The following ADAM22 variants were observed in gnomAD, a reference collection of about 807,000 sequenced individuals.
The protein encoded by ADAM22 is ADAM metallopeptidase domain 22.
In ADAM22, 65 loss-of-function variants were observed where a neutral mutation model predicts 144.6. That is an observed-to-expected ratio of 0.45 (90% CI 0.37 to 0.55). The LOEUF is 0.55. ADAM22 is among the 20% of genes least tolerant of loss of function. The pLI, the probability that ADAM22 is intolerant of heterozygous loss-of-function variation, is 0.00. For synonymous variants in ADAM22, 391 were observed against 412.6 expected (o/e 0.95, Z 0.63); for missense variants, 974 against 1,184.9 (o/e 0.82, Z 2.61).
chr7:87,948,478 C>A (rs572583608), intron 2 of ADAM22, among the ~76,000 whole-genome samples: 3 of 152,214 alleles, frequency 2.0e-5, no homozygotes, highest in South Asian at 4.1e-4. Flanking sequence ...CCCTTTATTG[C>A]TGGAATAATC....
chr7:88,033,298 A>G (rs766393506), intron 3 of ADAM22, among the ~76,000 whole-genome samples: 4 of 152,224 alleles, frequency 2.6e-5, no homozygotes, highest in Non-Finnish European at 4.4e-5. Flanking sequence ...GCAGACTTGT[A>G]GAGGTGTAAG....
At chr7:88,093,109 T>C (rs1198484583) in intron 4 of ADAM22, among the ~76,000 whole-genome samples, 3 of 152,204 alleles carry the variant, frequency 2.0e-5, no homozygotes, top group African/African-American at 7.2e-5. Flanking sequence ...AATTAGCTAT[T>C]TTATAATAGA....
intron 13 of ADAM22, 51 bp downstream of exon 13, chr7:88,134,470 G>A: frequency 7.1e-7 from 1 of 1,400,694 alleles, no homozygotes; most frequent in Non-Finnish European, 9.8e-7. Context: ...GACTATTTGT[G>A]AAATATTTTG....
chr7:88,044,559 G>T (rs1804037631), intron 3 of ADAM22, among the ~76,000 whole-genome samples: 1 of 151,834 alleles, frequency 6.6e-6, no homozygotes, highest in Non-Finnish European at 1.5e-5. Context: ...CAATTCTCCT[G>T]CCTCAGCCTC....
chr7:88,118,058 C>T (rs181772555), intron 7 of ADAM22, among the ~76,000 whole-genome samples: 284 of 152,128 alleles, frequency 1.9e-3, no homozygotes, highest in African/African-American at 6.7e-3. Flanking sequence ...ATGTTATTCC[C>T]GGTTTGTAGA....
chr7:88,053,667 A>G (rs570813938), intron 3 of ADAM22, among the ~76,000 whole-genome samples: 1 of 152,216 alleles, frequency 6.6e-6, no homozygotes, highest in South Asian at 2.1e-4. Flanking sequence ...TAAAAAAGAT[A>G]TCTTCACTTA....
chr7:88,045,562 ACCATTT>A (rs1429159765), intron 3 of ADAM22, among the ~76,000 whole-genome samples: 1 of 152,072 alleles, frequency 6.6e-6, no homozygotes, highest in African/African-American at 2.4e-5. Flanking sequence ...AGAACATTTC[ACCATTT>A]CCAAGTATAT....
chr7:88,151,705 C>T (rs773569208), intron 20 of ADAM22, among the ~76,000 whole-genome samples: 19 of 152,176 alleles, frequency 1.2e-4, no homozygotes, highest in Middle Eastern at 3.2e-3. Context: ...CTGGACAGGA[C>T]GTCCTTAACT....
intron 22 of ADAM22, among the ~76,000 whole-genome samples, chr7:88,160,357 G>A (rs955090667): frequency 1.3e-5 from 2 of 152,096 alleles, no homozygotes; most frequent in African/African-American, 4.8e-5. Context: ...AAATGCTATT[G>A]CTATCAAACT....
intron 3 of ADAM22, among the ~76,000 whole-genome samples, chr7:88,038,121 G>A (rs1801957810): frequency 6.6e-6 from 1 of 152,164 alleles, no homozygotes; most frequent in African/African-American, 2.4e-5. Context: ...CTCAGTTCCT[G>A]ACAAGTGTGA....
At chr7:88,130,777 G>A (rs548507751) in intron 10 of ADAM22, among the ~76,000 whole-genome samples, 1 of 152,242 alleles carries the variant, frequency 6.6e-6, no homozygotes, top group Middle Eastern at 3.4e-3. Flanking sequence ...TACAATAGTT[G>A]TGCCTTTAAG....
At chr7:88,006,911 G>T (rs1161510901) in intron 3 of ADAM22, among the ~76,000 whole-genome samples, 1 of 150,306 alleles carries the variant, frequency 6.7e-6, no homozygotes, top group Non-Finnish European at 1.5e-5. Context: ...GGGCAATTAG[G>T]CAGGAGAAGG....
chr7:88,014,289 A>C (rs78511153), intron 3 of ADAM22, among the ~76,000 whole-genome samples: 47 of 152,330 alleles, frequency 3.1e-4, no homozygotes, highest in Non-Finnish European at 5.3e-4. Flanking sequence ...CTGATTCTGC[A>C]TAGGCGTGAC....
chr7:87,982,048 T>C (rs1471610463), intron 3 of ADAM22, among the ~76,000 whole-genome samples: 2 of 23,900 alleles, frequency 8.4e-5, no homozygotes, highest in East Asian at 1.3e-3. Flanking sequence ...TTATTTCATA[T>C]ATATATATAT....
intron 8 of ADAM22, 70 bp downstream of exon 8, chr7:88,125,729 G>A (rs911589940): frequency 9.7e-5 from 124 of 1,273,378 alleles, no homozygotes; most frequent in African/African-American, 1.5e-5. Flanking sequence ...TGAATCTACA[G>A]TAAGTCTGTG....
intron 3 of ADAM22, among the ~76,000 whole-genome samples, chr7:88,064,913 A>G (rs943313816): frequency 6.6e-6 from 1 of 152,170 alleles, no homozygotes; most frequent in African/African-American, 2.4e-5. Context: ...AGATCAGTAG[A>G]AATAGTACTA....
chr7:88,091,348 G>C (rs574674177), intron 4 of ADAM22, among the ~76,000 whole-genome samples: 2 of 152,176 alleles, frequency 1.3e-5, no homozygotes, highest in South Asian at 4.2e-4. Context: ...TTACATCATT[G>C]TCAAAGTCTT....
chr7:88,176,276 A>G (rs1404500788), intron 26 of ADAM22, among the ~76,000 whole-genome samples: 1 of 152,190 alleles, frequency 6.6e-6, no homozygotes, highest in African/African-American at 2.4e-5. Flanking sequence ...TTCATAACCT[A>G]TCACTGACAT....
At chr7:87,934,593 C>G in intron 1 of ADAM22, 43 bp downstream of exon 1, 1 of 1,572,098 alleles carries the variant, frequency 6.4e-7, no homozygotes, top group Non-Finnish European at 8.6e-7. Context: ...TACCATTTCC[C>G]GGGAATCTTT....
Sources: gnomAD v4.1 joint callset for allele counts (sites outside exome capture counted in the v4.1 genomes callset) on GRCh38, gnomAD v4.1.1 for gene constraint, MANE v1.5 for transcripts, NCBI Gene and HGNC (gene_info 2026-07-23, HGNC 2026-07-21) for gene names.